PCCB: variants seen among roughly 807,000 people sequenced by gnomAD.
PCCB encodes propionyl-CoA carboxylase subunit beta.
In PCCB, 43 loss-of-function variants were observed where a neutral mutation model predicts 60.7. That is an observed-to-expected ratio of 0.71 (90% CI 0.55 to 0.91). The LOEUF (loss-of-function observed/expected upper bound fraction) is 0.91. PCCB is among the 40% of genes least tolerant of loss of function. The probability of loss-of-function intolerance (pLI) is 0.00; values close to 1 mark genes in which losing one functional copy is unlikely to be tolerated. For synonymous variants in PCCB, 276 were observed against 255.9 expected, an observed-to-expected ratio of 1.08 and a Z score of -0.75; for missense variants, 766 against 702.8, an observed-to-expected ratio of 1.09 and a Z score of -1.02.
intron 6 of PCCB, among the ~76,000 whole-genome samples, chr3:136,290,708 G>T (rs1377592798): frequency 1.4e-5 from 1 of 71,970 alleles, no homozygotes; most frequent in Admixed American, 2.1e-4. Flanking sequence ...CTTGCTTGAT[G>T]GTCTCTGAGT....
chr3:136,292,240 T>G (rs1933727456), intron 6 of PCCB, among the ~76,000 whole-genome samples: 1 of 152,046 alleles, frequency 6.6e-6, no homozygotes, highest in Non-Finnish European at 1.5e-5. Context: ...TCTCTAGTTT[T>G]TTTTTTTTTT....
intron 1 of PCCB, among the ~76,000 whole-genome samples, chr3:136,251,045 C>G (rs1941502037): frequency 6.6e-6 from 1 of 152,134 alleles, no homozygotes; most frequent in South Asian, 2.1e-4. Flanking sequence ...GGGGGATGTG[C>G]GCGTGCAGGA....
rs746653827 is a variant in PCCB, at chr3:136,293,777, A to G, written c.676A>G (p.Thr226Ala). ...TCAGGACACCTCCTACCTGTTCATC[A>G]CTGGCCCTGATGTTGTGAAGTCTGT... ...MVKDTSYLFI[T>A]GPDVVKSVTN... Residue 226 changes from threonine (T) to alanine (A), a missense_variant, in exon 7 of 15, where the codon ACT becomes GCT. Coordinates refer to ENST00000251654, the MANE Select transcript of PCCB (RefSeq NM_000532.5). The G allele has an allele frequency of 2.0e-5, 32 of 1,612,462 alleles. No individual in the cohort carries two copies. Among genetic ancestry groups the G allele is most frequent in the Non-Finnish European group, 2.7e-5 (32 of 1,178,684 alleles).
intron 9 of PCCB, among the ~76,000 whole-genome samples, chr3:136,316,351 C>T (rs1299182468): frequency 6.6e-6 from 1 of 151,906 alleles, no homozygotes; most frequent in African/African-American, 2.4e-5. Flanking sequence ...GATCTCCCTC[C>T]GTTGCCCAGG....
chr3:136,263,277 T>TTAA (rs1559999445), intron 5 of PCCB, among the ~76,000 whole-genome samples: 1 of 135,470 alleles, frequency 7.4e-6, no homozygotes, highest in African/African-American at 2.8e-5. Flanking sequence ...TTTTTAATAT[T>TTAA]TATTTATTTA....
chr3:136,298,156 T>G (rs1023445212), intron 8 of PCCB, 84 bp downstream of exon 8: 3 of 1,576,230 alleles, frequency 1.9e-6, no homozygotes, highest in African/African-American at 1.3e-5. Flanking sequence ...AGGGTCTGCC[T>G]TGTTGGGCAA....
At chr3:136,322,403 A>G (rs1203991400) in intron 10 of PCCB, among the ~76,000 whole-genome samples, 3 of 152,190 alleles carry the variant, frequency 2.0e-5, no homozygotes, top group Non-Finnish European at 4.4e-5. Flanking sequence ...TTTATGAGCA[A>G]TATTGAGATA....
chr3:136,290,179 A>G (rs571727348), intron 6 of PCCB, among the ~76,000 whole-genome samples: 1 of 152,082 alleles, frequency 6.6e-6, no homozygotes, highest in Non-Finnish European at 1.5e-5. Flanking sequence ...TCTGTAAAGA[A>G]TTTTGCTTAA....
intron 9 of PCCB, among the ~76,000 whole-genome samples, chr3:136,308,501 A>G (rs1934531902): frequency 6.6e-6 from 1 of 152,236 alleles, no homozygotes; most frequent in African/African-American, 2.4e-5. Flanking sequence ...AAGACTGAAT[A>G]GGAGATGTAT....
In PCCB at chr3:136,298,944, C is replaced by T. The variant is rs191371898; in HGVS notation, c.884+872C>T. Among the ~76,000 whole-genome samples, 222 of 152,284 alleles carry T rather than the reference C, an allele frequency of 1.5e-3. 3 individuals carry two copies. The highest frequency in any genetic ancestry group is 2.4e-4 in the Non-Finnish European group (16 of 68,018). On this transcript the variant is annotated intron_variant, in intron 8 of 14. Coordinates refer to ENST00000251654, the MANE Select transcript of PCCB (RefSeq NM_000532.5). ...GCTCTGAAGAGTTGTGTTGCCAGGG[C>T]CTCACTCTGTCTGCCTCTGCCCACT...
At chr3:136,326,420 C>A (rs1405793543) in intron 10 of PCCB, 1 of 702,636 alleles carries the variant, frequency 1.4e-6, no homozygotes. Flanking sequence ...AAAGTAATTT[C>A]TCAAGGGCAC....
At chr3:136,327,405 C>T (rs1414105785) in intron 12 of PCCB, 150 bp downstream of exon 12, 2 of 755,308 alleles carry the variant, frequency 2.6e-6, no homozygotes, top group Non-Finnish European at 4.7e-6. Flanking sequence ...CCCAGCCCCG[C>T]AGAAATGTCT....
intron 1 of PCCB, among the ~76,000 whole-genome samples, chr3:136,254,394 G>A (rs1022643416): frequency 6.6e-6 from 1 of 150,528 alleles, no homozygotes; most frequent in African/African-American, 2.4e-5. Context: ...AATTTTTTTT[G>A]TATTTTTAGT....
rs1034292088 is a variant in PCCB, at chr3:136,326,795, C to T, written c.1091-8C>T. 1 of 1,565,642 alleles carries T rather than the reference C, an allele frequency of 6.4e-7. No individual in the cohort carries two copies. Among genetic ancestry groups the T allele is most frequent in the Non-Finnish European group, 8.8e-7 (1 of 1,135,846 alleles). On this transcript the variant is annotated splice_region_variant and splice_polypyrimidine_tract_variant and intron_variant, in intron 10 of 14. Transcript: ENST00000251654. ...GATACTCAGTATGGATAATCTCTCT[C>T]TTTCTAGGATGCTTGGATATTAATT... is the stretch of plus-strand genomic sequence containing the variant.
At chr3:136,293,987 G>C in intron 7 of PCCB, 123 bp downstream of exon 7, 1 of 700,758 alleles carries the variant, frequency 1.4e-6, no homozygotes, top group East Asian at 2.6e-5. Context: ...GGAAGACTGT[G>C]GTACAGTCTA....
chr3:136,256,908 G>T (rs143842476), intron 3 of PCCB, among the ~76,000 whole-genome samples: 1 of 152,266 alleles, frequency 6.6e-6, no homozygotes, highest in South Asian at 2.1e-4. Context: ...AGCTGGGTTG[G>T]GTGTGTGCCT....
intron 8 of PCCB, among the ~76,000 whole-genome samples, chr3:136,298,462 T>C (rs1277204098): frequency 6.6e-6 from 1 of 152,204 alleles, no homozygotes; most frequent in Non-Finnish European, 1.5e-5. Context: ...GCCATGATTC[T>C]TCTTATGCTG....
At chr3:136,314,359 G>A (rs1934794371) in intron 9 of PCCB, among the ~76,000 whole-genome samples, 1 of 152,150 alleles carries the variant, frequency 6.6e-6, no homozygotes. Context: ...GCTAATAAAT[G>A]GAGAAGAAAA....
intron 6 of PCCB, among the ~76,000 whole-genome samples, chr3:136,286,627 A>T (rs951469543): frequency 1.3e-5 from 2 of 152,174 alleles, no homozygotes; most frequent in Non-Finnish European, 2.9e-5. Flanking sequence ...TATAATCCAC[A>T]ATATAATCAA....
Sources: allele counts gnomAD v4.1 joint callset (sites outside exome capture counted in the v4.1 genomes callset), GRCh38; gene constraint gnomAD v4.1.1; transcripts MANE v1.5; gene names NCBI Gene and HGNC (gene_info 2026-07-23, HGNC 2026-07-21).